MZF1: variants seen among roughly 807,000 people sequenced by gnomAD.
MZF1 encodes zinc finger and SCAN domain-containing protein 6.
In MZF1, 24 loss-of-function variants were observed where a neutral mutation model predicts 28.6. That is an observed-to-expected ratio of 0.84 (90% confidence interval 0.61 to 1.18). The LOEUF (loss-of-function observed/expected upper bound fraction) is 1.18. Among genes scored for constraint, MZF1 ranks in the 50% most tolerant of loss-of-function variants. The probability of loss-of-function intolerance (pLI) is 0.00; values close to 1 mark genes in which losing one functional copy is unlikely to be tolerated. For missense variants in MZF1, 1,166 were observed against 1,026.4 expected, an observed-to-expected ratio of 1.14 and a Z score of -1.86; for synonymous variants, 516 against 432.5, an observed-to-expected ratio of 1.19 and a Z score of -2.40.
intron 4 of MZF1, 47 bp downstream of exon 4, chr19:58,569,469 G>A: frequency 6.2e-7 from 1 of 1,613,392 alleles, no homozygotes; most frequent in Non-Finnish European, 8.5e-7. Flanking sequence ...ACCCCACCCA[G>A]CAACTTCCAG....
In MZF1 at chr19:58,571,069, C is replaced by T; in HGVS notation, c.321G>A (p.Gln107=). ...CAGCCTCCTCGGGGCTGCCTGGCCGCTGCCCCTGCACACGGGCCTGGATCT... is the reference window on the plus strand; with the variant it reads ...CAGCCTCCTCGGGGCTGCCTGGCCGTTGCCCCTGCACACGGGCCTGGATCT... ...PPEIQARVQG[Q]RPGSPEEAAA... The change falls in exon 2 of 6, where the codon CAG becomes CAA. Residue 107 remains glutamine (Q), a synonymous_variant. Transcript: ENST00000215057. 6.2e-7 allele frequency: 1 copy of T among 1,613,522 alleles called. No homozygotes were observed. Among genetic ancestry groups the T allele is most frequent in the Non-Finnish European group, 8.5e-7 (1 of 1,179,902 alleles).
chr19:58,564,902 GTTTTTT>G (rs71190056), intron 5 of MZF1, among the ~76,000 whole-genome samples: 27 of 41,988 alleles, frequency 6.4e-4, no homozygotes, highest in Non-Finnish European at 8.9e-4. Context: ...CCATGTGTGT[GTTTTTT>G]TTTTTTTTTT....
At position 58,562,786 on chromosome 19, in the gene MZF1, G is replaced by A; in HGVS notation, c.1491C>T (p.Arg497=). The A allele has an allele frequency of 6.5e-7, 1 of 1,534,490 alleles. No homozygotes were observed. The highest frequency in any genetic ancestry group is 8.7e-7 in the Non-Finnish European group (1 of 1,146,318). ...CSECRESFAR[R]AVLLEHQAVH... is the part of the protein sequence containing the mutation. The stretch of plus-strand genomic sequence containing the variant: ...CCGCCTGGTGCTCCAGCAGCACGGC[G>A]CGCCGCGCGAAGCTCTCGCGGCACT... The change falls in exon 6 of 6, where the codon CGC becomes CGT. Residue 497 remains arginine (R), a synonymous_variant. Transcript: ENST00000215057.
At position 58,562,898 on chromosome 19, in the gene MZF1, C is replaced by T. The variant is rs760075269; in HGVS notation, c.1379G>A (p.Arg460His). The T allele has an allele frequency of 1.3e-5, 20 of 1,579,506 alleles. No homozygotes were observed. In the South Asian group the frequency reaches 1.9e-4, roughly 15 times the overall value. The change falls in exon 6 of 6, where the codon CGC becomes CAC. Residue 460 changes from arginine (R) to histidine (H), a missense_variant. Physicochemically the swap from Arg to His is conservative, Grantham distance 29. Coordinates refer to ENST00000215057, the MANE Select transcript of MZF1 (RefSeq NM_198055.2). ...RQRSNLLQHQRIHGDPPGPGA... is the reference protein window; with the variant it reads ...RQRSNLLQHQHIHGDPPGPGA... ...AGGGCCCGGGGGATCGCCGTGGATG[C>T]GCTGGTGCTGCAGCAGATTGGAGCG...
Position 58,571,015 on chromosome 19 carries a change from C to T in MZF1, c.375G>A (p.Glu125=), listed in dbSNP as rs1214146320. ...TCACCCATCTCCGGGGTCCGCCCGG[C>T]TCCCGGCGCAGCCCATCTACTAGGG... ...AAALVDGLRR[E]PGGPRRWVTV... Residue 125 remains glutamate (E), a synonymous_variant, in exon 2 of 6, where the codon GAG becomes GAA. Transcript: ENST00000215057. 2 of 1,609,372 alleles carry T rather than the reference C, an allele frequency of 1.2e-6. No individual in the cohort carries two copies. Among genetic ancestry groups the T allele is most frequent in the African/African-American group, 1.3e-5 (1 of 74,948 alleles).
Position 58,563,373 on chromosome 19 carries a change from C to G in MZF1, c.904G>C (p.Ala302Pro), listed in dbSNP as rs992988735. 1.2e-6 allele frequency: 2 copies of G among 1,606,526 alleles called. No individual in the cohort carries two copies. Reference sequence around the variant, plus strand: ...TCGCTGGGGAGCAGAAGCGCATGCGCAAAGCCACCTTCGCGGGAGGGTGAT... The same window carrying G: ...TCGCTGGGGAGCAGAAGCGCATGCGGAAAGCCACCTTCGCGGGAGGGTGAT... ...IQSPSREGGF[A>P]HALLLPSDLR... The change falls in exon 6 of 6, where the codon GCG becomes CCG. Residue 302 changes from alanine (A) to proline (P), a missense_variant. Ala to Pro is a conservative substitution (Grantham distance 27). Coordinates refer to ENST00000215057, the MANE Select transcript of MZF1 (RefSeq NM_198055.2).
rs746201492 is a variant in MZF1 at position 58,562,447 on chromosome 19, G to A, written c.1830C>T (p.Leu610=). The A allele has an allele frequency of 6.2e-7, 1 of 1,611,560 alleles. No individual in the cohort carries two copies. The highest frequency in any genetic ancestry group is 1.3e-5 in the African/African-American group (1 of 74,826). The change falls in exon 6 of 6, where the codon CTC becomes CTT. Residue 610 remains leucine, a synonymous_variant. Transcript: ENST00000215057. ...PECGQRFSQR[L]KLTRHQRTHT... is the part of the protein sequence containing the mutation. ...GTGTCCTCTGATGACGCGTGAGCTTGAGGCGCTGGCTGAAGCGCTGGCCAC... is the reference window on the plus strand; with the variant it reads ...GTGTCCTCTGATGACGCGTGAGCTTAAGGCGCTGGCTGAAGCGCTGGCCAC...
chr19:58,564,902 G>GTGTTTTTTTTT (rs1568680296), intron 5 of MZF1, among the ~76,000 whole-genome samples: 2 of 41,996 alleles, frequency 4.8e-5, no homozygotes, highest in African/African-American at 7.3e-5. Flanking sequence ...CCATGTGTGT[G>GTGTTTTTTTTT]TTTTTTTTTT....
Position 58,562,944 on chromosome 19 carries a change from A to G in MZF1, c.1333T>C (p.Cys445Arg). The change falls in exon 6 of 6, where the codon TGC (cysteine) becomes CGC (arginine). Residue 445 changes from cysteine to arginine, a missense_variant. Cys to Arg is a radical substitution (Grantham distance 180, BLOSUM62 -3). Coordinates refer to ENST00000215057, the MANE Select transcript of MZF1 (RefSeq NM_198055.2). Reference sequence around the variant, plus strand: ...GAGCGCTGCCGGAAGCTCTGGCCGCACTCAGCGCAACGGAAAGGCTGTTCG... The same window carrying G: ...GAGCGCTGCCGGAAGCTCTGGCCGCGCTCAGCGCAACGGAAAGGCTGTTCG... ...TGEQPFRCAE[C>R]GQSFRQRSNL... 6.3e-7 allele frequency: 1 copy of G among 1,598,358 alleles called. No individual in the cohort carries two copies. Among genetic ancestry groups the G allele is most frequent in the Non-Finnish European group, 8.5e-7 (1 of 1,177,440 alleles).
chr19:58,562,215 T>G lies in MZF1; in HGVS notation c.2062A>C (p.Lys688Gln), dbSNP rs2053938544. ...AGCGTGGGCCGCTGGCGGAAGGCCTTGCCACACTCAGGGCATGCGTAGGGC... is the reference window on the plus strand; with the variant it reads ...AGCGTGGGCCGCTGGCGGAAGGCCTGGCCACACTCAGGGCATGCGTAGGGC... ...ERPYACPECGKAFRQRPTLTQ... is the reference protein window; with the variant it reads ...ERPYACPECGQAFRQRPTLTQ... Residue 688 changes from lysine (K) to glutamine (Q), a missense_variant, in exon 6 of 6, where the codon AAG becomes CAG. Coordinates refer to ENST00000215057, the MANE Select transcript of MZF1 (RefSeq NM_198055.2). The G allele has an allele frequency of 6.2e-7, 1 of 1,608,022 alleles. No individual in the cohort carries two copies. The highest frequency in any genetic ancestry group is 1.3e-5 in the African/African-American group (1 of 74,462).
Position 58,571,099 on chromosome 19 carries a change from G to C in MZF1, c.291C>G (p.Pro97=). Residue 97 remains proline, a synonymous_variant, in exon 2 of 6, where the codon CCC becomes CCG. Coordinates refer to ENST00000215057, the MANE Select transcript of MZF1 (RefSeq NM_198055.2). The part of the protein sequence containing the change: ...LVLEQFLGAL[P]PEIQARVQGQ... ...CCTGCACACGGGCCTGGATCTCAGG[G>C]GGCAGTGCGCCCAGGAACTGCTCCA... 1 of 1,613,888 alleles carries C rather than the reference G, an allele frequency of 6.2e-7. No homozygotes were observed. The highest frequency in any genetic ancestry group is 1.1e-5 in the South Asian group (1 of 91,088).
Position 58,569,351 on chromosome 19 carries a change from C to T in MZF1, c.698G>A (p.Gly233Glu). The T allele has an allele frequency of 2.5e-6, 4 of 1,613,924 alleles. No individual in the cohort carries two copies. Among genetic ancestry groups the T allele is most frequent in the Non-Finnish European group, 3.4e-6 (4 of 1,179,918 alleles). Residue 233 changes from glycine (G) to glutamate (E), a missense_variant, in exon 5 of 6, where the codon GGG (glycine) becomes GAG (glutamate). By Grantham distance (98) the Gly-to-Glu change is moderately conservative (BLOSUM62 -2). Transcript: ENST00000215057. ...CTCCCTCCATGAGGGACCCTCAGGC[C>T]CAGTCTTGCTGTGGGGAAAGATCTG... ...LDQIFPHSKT[G>E]PEGPSWREHP...
At position 58,563,172 on chromosome 19, in the gene MZF1, T is replaced by C. The variant is rs1304009000; in HGVS notation, c.1105A>G (p.Ser369Gly). 2 of 1,609,972 alleles carry C rather than the reference T, an allele frequency of 1.2e-6. No homozygotes were observed. The highest frequency in any genetic ancestry group is 2.2e-5 in the East Asian group (1 of 44,784). The change falls in exon 6 of 6, where the codon AGC (serine) becomes GGC (glycine). Residue 369 changes from serine (S) to glycine (G), a missense_variant. Transcript: ENST00000215057. ...ATCTTCTGGTGCCTCAGCAGGTTGC[T>C]GCGTTGGCTGAACACCTTGCCACAT... The part of the protein sequence containing the change: ...DVCGKVFSQR[S>G]NLLRHQKIHT...
rs377542744 is a variant in MZF1 at position 58,562,523 on chromosome 19, G to A, written c.1754C>T (p.Thr585Met). 6.2e-7 allele frequency: 1 copy of A among 1,609,190 alleles called. No individual in the cohort carries two copies. Among genetic ancestry groups the A allele is most frequent in the Non-Finnish European group, 8.5e-7 (1 of 1,178,684 alleles). The part of the protein sequence containing the change: ...GKAFRQRPTL[T>M]QHLRVHTGEK... ...GCCCGTGTGTACGCGGAGATGCTGC[G>A]TGAGCGTAGGCCGCTGGCGGAAGGC... The change falls in exon 6 of 6, where the codon ACG becomes ATG. Residue 585 changes from threonine (T) to methionine (M), a missense_variant. Thr to Met is a moderately conservative substitution (Grantham distance 81). Transcript: ENST00000215057.
Position 58,563,146 on chromosome 19 carries a change from G to C in MZF1, c.1131C>G (p.Ile377Met). The C allele has an allele frequency of 6.2e-7, 1 of 1,609,396 alleles. No individual in the cohort carries two copies. Among genetic ancestry groups the C allele is most frequent in the South Asian group, 1.1e-5 (1 of 91,028 alleles). The stretch of plus-strand genomic sequence containing the variant: ...ACACGAATGGTCGCTCACCCGTGTG[G>C]ATCTTCTGGTGCCTCAGCAGGTTGC... ...QRSNLLRHQK[I>M]HTGERPFVCS... is the part of the protein sequence containing the mutation. Residue 377 changes from isoleucine (I) to methionine (M), a missense_variant, in exon 6 of 6, where the codon ATC becomes ATG. Coordinates refer to ENST00000215057, the MANE Select transcript of MZF1 (RefSeq NM_198055.2).
Position 58,569,295 on chromosome 19 carries a change from C to A in MZF1, c.754G>T (p.Gly252Trp), listed in dbSNP as rs1443027660. Residue 252 changes from glycine (G) to tryptophan (W), a missense_variant, in exon 5 of 6, where the codon GGG (glycine) becomes TGG (tryptophan). By Grantham distance (184) the Gly-to-Trp change is radical. Transcript: ENST00000215057. ...HPRALWHEEAGGIFSPGFALQ... is the reference protein window; with the variant it reads ...HPRALWHEEAWGIFSPGFALQ... ...CACTTACCTGGGGAGAAGATGCCCC[C>A]AGCTTCCTCATGCCACAGGGCCCTG... 3.7e-6 allele frequency: 6 copies of A among 1,607,032 alleles called. No homozygotes were observed. The South Asian group carries it at 6.6e-5, about 18-fold the overall frequency.
In MZF1 at chr19:58,569,758, G is replaced by GAGT. The variant is rs150578279; in HGVS notation, c.581-175_581-173dup. ...CCCAGCTCAGGGGCTGGGTGAAGCAGAGTACCCTGGAAGGCCAGGGGTTGA... is the reference window on the plus strand; with the variant it reads ...CCCAGCTCAGGGGCTGGGTGAAGCAGAGTAGTACCCTGGAAGGCCAGGGGTTGA... On this transcript the variant is annotated intron_variant, in intron 3 of 5. Transcript: ENST00000215057. 1.9e-3 allele frequency: 1,153 copies of GAGT among 591,790 alleles called. 7 individuals carry two copies. The highest frequency in any genetic ancestry group is 0.019 in the African/African-American group (1,030 of 53,666). The allele number at this position is 591,790 out of a possible 1,614,324, so 36.7% of individuals were successfully genotyped here.
chr19:58,567,930 T>A (rs868721519), intron 5 of MZF1, among the ~76,000 whole-genome samples: 1 of 151,976 alleles, frequency 6.6e-6, no homozygotes, highest in Admixed American at 6.6e-5. Context: ...AAAACACTCT[T>A]GGAAAGTAAA....
At chr19:58,569,091 G>A (rs2054108774) in intron 5 of MZF1, 186 bp downstream of exon 5, 1 of 669,762 alleles carries the variant, frequency 1.5e-6, no homozygotes, top group African/African-American at 1.9e-5. Context: ...TGGTAGTGGT[G>A]GGTGGCTTTT....
Sources: allele counts gnomAD v4.1 joint callset (sites outside exome capture counted in the v4.1 genomes callset), GRCh38; gene constraint gnomAD v4.1.1; transcripts MANE v1.5; gene names NCBI Gene and HGNC (gene_info 2026-07-23, HGNC 2026-07-21).